IL7R: variants seen among roughly 807,000 people sequenced by gnomAD.
IL7R encodes interleukin-7 receptor subunit alpha.
In IL7R, 38 loss-of-function variants were observed where a neutral mutation model predicts 47.0. The observed-to-expected ratio is 0.81, with a 90% confidence interval of 0.62 to 1.06. IL7R has a LOEUF of 1.06. Among genes scored for constraint, IL7R ranks in the 50% least tolerant of loss-of-function variants. The probability of loss-of-function intolerance (pLI) is 0.00; values close to 1 mark genes in which losing one functional copy is unlikely to be tolerated. For missense variants in IL7R, 633 were observed against 534.8 expected (o/e 1.18, Z -1.81); for synonymous variants, 221 against 199.8 (o/e 1.11, Z -0.89).
rs1269787835 is a variant in IL7R, at chr5:35,866,808, C to T, written c.222-498C>T. On this transcript the variant is annotated intron_variant, in intron 2 of 7. Coordinates refer to ENST00000303115, the MANE Select transcript of IL7R (RefSeq NM_002185.5). Reference sequence around the variant, plus strand: ...TTTCTTAACCACTCTTGTTAGGGTTCACCAGCCAAAATTACCTATAAAAAT... The same window carrying T: ...TTTCTTAACCACTCTTGTTAGGGTTTACCAGCCAAAATTACCTATAAAAAT... Among the ~76,000 whole-genome samples the T allele has an allele frequency of 5.3e-5, 8 of 151,980 alleles. 1 individual carries two copies. Among genetic ancestry groups the T allele is most frequent in the African/African-American group, 1.4e-4 (6 of 41,398 alleles).
At position 35,860,742 on chromosome 5, in the gene IL7R, T is replaced by C. The variant is rs1331233395; in HGVS notation, c.83-110T>C. ...TCTTCCTTGAATACTACATAATCCA[T>C]TACTATTTCATGTCTGCCACAGAGT... On this transcript the variant is annotated intron_variant, in intron 1 of 7. Coordinates refer to ENST00000303115, the MANE Select transcript of IL7R (RefSeq NM_002185.5). The C allele has an allele frequency of 8.8e-5, 96 of 1,089,880 alleles. No homozygotes were observed. The Middle Eastern group carries it at 1.6e-3, about 18-fold the overall frequency. The allele number at this position is 1,089,880 out of a possible 1,614,324, so 67.5% of individuals were successfully genotyped here. A position where few individuals can be genotyped will look rare whatever the true frequency, so the allele number is the denominator to read the frequency against.
chr5:35,857,293 C>G (rs1054012387), intron 1 of IL7R, among the ~76,000 whole-genome samples: 7 of 152,066 alleles, frequency 4.6e-5, no homozygotes, highest in African/African-American at 1.7e-4. Flanking sequence ...ATTTCACTCC[C>G]AAGTGTAGAT....
At chr5:35,873,844 G>C (rs1760138338) in intron 5 of IL7R, among the ~76,000 whole-genome samples, 196 bp downstream of exon 5, 2 of 152,152 alleles carry the variant, frequency 1.3e-5, no homozygotes, top group African/African-American at 4.8e-5. Flanking sequence ...AGAGGGAGTG[G>C]GGTCCTTATT....
chr5:35,874,613 A>G (rs1760160796), intron 6 of IL7R, 71 bp downstream of exon 6: 1 of 1,161,734 alleles, frequency 8.6e-7, no homozygotes, highest in South Asian at 1.2e-5. Context: ...AGCCCCATTT[A>G]TTGATGAGAA....
rs1378810900 is a variant in IL7R at position 35,876,913 on chromosome 5, C to T, written c.*427C>T. ...CAAGTGCTCTGCGCACCTTGTCTCACTCCATCCTGACAATAATCCTGGGAG... is the reference window on the plus strand; with the variant it reads ...CAAGTGCTCTGCGCACCTTGTCTCATTCCATCCTGACAATAATCCTGGGAG... On this transcript the variant is annotated 3_prime_UTR_variant, in exon 8 of 8. Transcript: ENST00000303115. 1.1e-5 allele frequency: 3 copies of T among 267,278 alleles called. No homozygotes were observed. Among genetic ancestry groups the T allele is most frequent in the Non-Finnish European group, 2.2e-5 (3 of 138,196 alleles). 16.6% of individuals were successfully genotyped at this position (267,278 alleles called of 1,614,324 possible).
rs1561423358 is a variant in IL7R at position 35,871,199 on chromosome 5, G to A, written c.523G>A (p.Glu175Lys). ...TGTAGCTTACCGCCAGGAAAAGGAT[G>A]AAAACAAATGGACGGTATGTAGTTC... ...HDVAYRQEKD[E>K]NKWTHVNLSS... The change falls in exon 4 of 8, where the codon GAA (glutamate) becomes AAA (lysine). Residue 175 changes from glutamate (E) to lysine (K), a missense_variant. Physicochemically the swap from Glu to Lys is moderately conservative, Grantham distance 56. Transcript: ENST00000303115. The A allele has an allele frequency of 1.2e-6, 2 of 1,611,996 alleles. No homozygotes were observed. Among genetic ancestry groups the A allele is most frequent in the African/African-American group, 1.3e-5 (1 of 75,006 alleles).
At chr5:35,862,146 C>T (rs191987980) in intron 2 of IL7R, among the ~76,000 whole-genome samples, 1 of 152,064 alleles carries the variant, frequency 6.6e-6, no homozygotes. Flanking sequence ...AACACATTTT[C>T]CAGGAATAAA....
In IL7R at chr5:35,860,945, T is replaced by TTGAGGACC; in HGVS notation, c.177_184dup (p.Pro62LeufsTer22). ...TCGCAGCACTCACTGACCTGTGCTT[T>TTGAGGACC]TGAGGACCCAGATGTCAACATCACC... On this transcript the variant is annotated frameshift_variant, in exon 2 of 8. Coordinates refer to ENST00000303115, the MANE Select transcript of IL7R (RefSeq NM_002185.5). LOFTEE classifies it high-confidence loss of function. 1 of 1,613,730 alleles carries TTGAGGACC rather than the reference T, an allele frequency of 6.2e-7. No individual in the cohort carries two copies. The highest frequency in any genetic ancestry group is 8.5e-7 in the Non-Finnish European group (1 of 1,179,664).
chr5:35,861,100 A>T, intron 2 of IL7R, 110 bp downstream of exon 2: 1 of 1,193,546 alleles, frequency 8.4e-7, no homozygotes, highest in Non-Finnish European at 1.3e-6. Flanking sequence ...AACAAATGTT[A>T]ACATCTAAGG....
intron 3 of IL7R, 124 bp from the exon 4 acceptor site, chr5:35,870,932 G>A: frequency 1.2e-6 from 1 of 807,460 alleles, no homozygotes; most frequent in Non-Finnish European, 2.1e-6. Context: ...ATGGTTTTCT[G>A]AATAGTTGGC....
In IL7R at chr5:35,871,228, T is replaced by C. The variant is rs1020401719; in HGVS notation, c.537+15T>C. On this transcript the variant is annotated intron_variant, in intron 4 of 7. Coordinates refer to ENST00000303115, the MANE Select transcript of IL7R (RefSeq NM_002185.5). ...ACAAATGGACGGTATGTAGTTCAAC[T>C]ACATTAATAAAATAAAAACTTATGA... The C allele has an allele frequency of 1.3e-6, 2 of 1,596,688 alleles. No individual in the cohort carries two copies. The highest frequency in any genetic ancestry group is 1.7e-6 in the Non-Finnish European group (2 of 1,164,986).
chr5:35,874,209 C>T lies in IL7R; in HGVS notation c.707-240C>T, dbSNP rs11567766. ...CAAGAAGGGAAGAGAGCATTGGTAC[C>T]TTTGATGCTAGATCACGTTTACATT... On this transcript the variant is annotated intron_variant, in intron 5 of 7. Transcript: ENST00000303115. 4.4e-3 allele frequency among the ~76,000 whole-genome samples: 676 copies of T among 152,274 alleles called. 8 individuals are homozygous for T. The highest frequency in any genetic ancestry group is 0.015 in the African/African-American group (643 of 41,548).
At chr5:35,859,542 G>A (rs1485392847) in intron 1 of IL7R, among the ~76,000 whole-genome samples, 2 of 152,138 alleles carry the variant, frequency 1.3e-5, no homozygotes, top group African/African-American at 4.8e-5. Context: ...TGGATTCTGG[G>A]AATGGCCAGA....
intron 1 of IL7R, among the ~76,000 whole-genome samples, chr5:35,860,390 T>G (rs1292923185): frequency 6.6e-6 from 1 of 152,056 alleles, no homozygotes; most frequent in Non-Finnish European, 1.5e-5. Flanking sequence ...AAAAAAATAC[T>G]AGGGAGGGAA....
At position 35,870,908 on chromosome 5, in the gene IL7R, C is replaced by T. The variant is rs6893892; in HGVS notation, c.380-148C>T. On this transcript the variant is annotated intron_variant, in intron 3 of 7. Coordinates refer to ENST00000303115, the MANE Select transcript of IL7R (RefSeq NM_002185.5). ...CTGGAGAATGCGGACTGGATTTAAACCCAAGAAGAAGAAATGGTTTTCTGA... is the reference window on the plus strand; with the variant it reads ...CTGGAGAATGCGGACTGGATTTAAATCCAAGAAGAAGAAATGGTTTTCTGA... 4,648 of 721,368 alleles carry T rather than the reference C, an allele frequency of 6.4e-3. 168 individuals carry two copies. The African/African-American group carries it at 0.074, about 11-fold the overall frequency. 44.7% of individuals were successfully genotyped at this position (721,368 alleles called of 1,614,324 possible). A position where few individuals can be genotyped will look rare whatever the true frequency, so the allele number is the denominator to read the frequency against.
chr5:35,860,133 G>A (rs888576702), intron 1 of IL7R, among the ~76,000 whole-genome samples: 2 of 151,986 alleles, frequency 1.3e-5, no homozygotes, highest in African/African-American at 2.4e-5. Context: ...CAGATACTGC[G>A]TCTATAGAAG....
intron 3 of IL7R, among the ~76,000 whole-genome samples, chr5:35,868,481 A>G (rs1759994802): frequency 6.6e-6 from 1 of 152,216 alleles, no homozygotes; most frequent in Non-Finnish European, 1.5e-5. Flanking sequence ...GAAAAGAGAC[A>G]TTAGGCAGAT....
chr5:35,879,216 T>C lies in IL7R; in HGVS notation c.*2730T>C, dbSNP rs575088330. 1.3e-5 allele frequency: 3 copies of C among 233,068 alleles called. No homozygotes were observed. The South Asian group carries it at 5.4e-4, about 42-fold the overall frequency. 14.4% of individuals were successfully genotyped at this position (233,068 alleles called of 1,614,324 possible). Reference sequence around the variant, plus strand: ...ACTGGGTCTAGGGCACCCAGGCTGATTCAGCTGATTTCCTACCAGCCTTTG... The same window carrying C: ...ACTGGGTCTAGGGCACCCAGGCTGACTCAGCTGATTTCCTACCAGCCTTTG... On this transcript the variant is annotated 3_prime_UTR_variant, in exon 8 of 8. Coordinates refer to ENST00000303115, the MANE Select transcript of IL7R (RefSeq NM_002185.5).
In IL7R at chr5:35,857,025, A is replaced by T. The variant is rs1387984147; in HGVS notation, c.48A>T (p.Gln16His). Residue 16 changes from glutamine (Q) to histidine (H), a missense_variant, in exon 1 of 8, where the codon CAA becomes CAT. Coordinates refer to ENST00000303115, the MANE Select transcript of IL7R (RefSeq NM_002185.5). ...TTFGMVFSLLQVVSGESGYAQ... is the reference protein window; with the variant it reads ...TTFGMVFSLLHVVSGESGYAQ... ...TTGGCATGGTTTTTTCTTTACTTCAAGTCGTTTCTGGAGAAAGTGGCTATG... is the reference window on the plus strand; with the variant it reads ...TTGGCATGGTTTTTTCTTTACTTCATGTCGTTTCTGGAGAAAGTGGCTATG... 1 of 1,610,382 alleles carries T rather than the reference A, an allele frequency of 6.2e-7. No homozygotes were observed. Among genetic ancestry groups the T allele is most frequent in the Non-Finnish European group, 8.5e-7 (1 of 1,177,306 alleles).
Sources: allele counts gnomAD v4.1 joint callset (sites outside exome capture counted in the v4.1 genomes callset), GRCh38; gene constraint gnomAD v4.1.1; transcripts MANE v1.5; gene names NCBI Gene and HGNC (gene_info 2026-07-23, HGNC 2026-07-21).